Variants in HRH1 observed in about 807,000 individuals in gnomAD.
The protein encoded by HRH1 is histamine receptor H1.
Under a neutral mutation model 10.3 loss-of-function variants are expected in HRH1, and 6 were observed. The observed-to-expected ratio is 0.58, with a 90% CI of 0.32 to 1.15. The LOEUF (loss-of-function observed/expected upper bound fraction) is 1.15, where lower values mean the gene tolerates loss of function less well. HRH1 is among the 50% of genes most tolerant of loss of function. The pLI is 0.05. For missense variants in HRH1, 514 were observed against 615.3 expected, an observed-to-expected ratio of 0.84 and a Z score of 1.74; for synonymous variants, 242 against 236.7, an observed-to-expected ratio of 1.02 and a Z score of -0.21.
intron 1 of HRH1, among the ~76,000 whole-genome samples, chr3:11,198,903 TACACACACACACAC>T (rs59431924): frequency 1.9e-5 from 2 of 103,122 alleles, no homozygotes; most frequent in African/African-American, 7.2e-5. Context: ...TCTCTCTTTA[TACACACACACACAC>T]ACACACACAC....
chr3:11,154,365 G>T (rs951221296), upstream of HRH1, among the ~76,000 whole-genome samples: 1 of 151,448 alleles, frequency 6.6e-6, no homozygotes, highest in African/African-American at 2.4e-5. This position sits in a 1 kb window ranked among gnomAD's most constrained non-coding sequence, Gnocchi z 4.4. Context: ...GGGTGCGGGG[G>T]CGCTGCAGGC....
At chr3:11,240,670 G>C (rs149866331) in intron 1 of HRH1, among the ~76,000 whole-genome samples, 31 of 152,310 alleles carry the variant, frequency 2.0e-4, no homozygotes, top group Non-Finnish European at 4.1e-4. Flanking sequence ...TTCTAAGTCA[G>C]TTAGGTTCCT....
chr3:11,181,663 G>T (rs1485287915), intron 1 of HRH1, among the ~76,000 whole-genome samples: 2 of 123,624 alleles, frequency 1.6e-5, no homozygotes, highest in Non-Finnish European at 3.1e-5. Flanking sequence ...ACGGAGTCTC[G>T]CTCCGTCGCC....
At chr3:11,145,567 T>C (rs941904374) in intron 1 of HRH1, among the ~76,000 whole-genome samples, 4 of 152,192 alleles carry the variant, frequency 2.6e-5, no homozygotes, top group African/African-American at 9.7e-5. Context: ...TTTGCCTCTG[T>C]GTTTTTTTAA....
rs184230279 is a variant in HRH1, at chr3:11,224,643, C to T, written c.-35-34360C>T. Among the ~76,000 whole-genome samples the T allele has an allele frequency of 6.6e-5, 10 of 150,434 alleles. No homozygotes were observed. The East Asian group carries it at 7.8e-4, about 12-fold the overall frequency. ...TGAACCCAGGAGGCGGAGCTTGCAG[C>T]GAGCCGAGTATGCGCCACTGCACTC... On this transcript the variant is annotated intron_variant, in intron 1 of 1. Coordinates refer to ENST00000431010, the MANE Select transcript of HRH1 (RefSeq NM_001098212.2).
intron 1 of HRH1, among the ~76,000 whole-genome samples, chr3:11,227,042 A>G (rs866566187): frequency 3.9e-5 from 6 of 152,178 alleles, no homozygotes; most frequent in African/African-American, 1.2e-4. Flanking sequence ...GTGGTTTTAG[A>G]AAGATCATTT....
intron 1 of HRH1, among the ~76,000 whole-genome samples, chr3:11,242,956 C>T (rs1456386761): frequency 6.6e-6 from 1 of 151,946 alleles, no homozygotes; most frequent in South Asian, 2.1e-4. Context: ...GCTCTGTCAC[C>T]AGGCTGGAGT....
chr3:11,244,320 T>G (rs565075916), intron 1 of HRH1, among the ~76,000 whole-genome samples: 81 of 152,354 alleles, frequency 5.3e-4, no homozygotes, highest in Non-Finnish European at 3.5e-4. Flanking sequence ...AGTCACATGG[T>G]CACACCCAGC....
In HRH1 at chr3:11,243,185, A is replaced by T. The variant is rs185949996; in HGVS notation, c.-35-15818A>T. 2.4e-4 allele frequency among the ~76,000 whole-genome samples: 36 copies of T among 152,300 alleles called. 1 individual carries two copies. The highest frequency in any genetic ancestry group is 8.4e-4 in the African/African-American group (35 of 41,564). On this transcript the variant is annotated intron_variant, in intron 1 of 1. Coordinates refer to ENST00000431010, the MANE Select transcript of HRH1 (RefSeq NM_001098212.2). ...TGCTTTGGCCTCCCAAAGTGCTGGG[A>T]TTACAGGTGTGAGCCCCTGCGCCCG...
intron 1 of HRH1, among the ~76,000 whole-genome samples, chr3:11,235,295 A>T (rs904800446): frequency 6.6e-6 from 1 of 152,052 alleles, no homozygotes; most frequent in Non-Finnish European, 1.5e-5. Flanking sequence ...TGGAAATTTT[A>T]GGTATTATAA....
rs1936736322 is a variant in HRH1, at chr3:11,154,604, T to A, written c.-36+50T>A. The stretch of plus-strand genomic sequence containing the variant: ...TGGGCGGGAGCGGGGCCGCCGCGGC[T>A]GGGCGAGGCTGCGCGCTGGCCAGGC... On this transcript the variant is annotated intron_variant, in intron 1 of 1. Coordinates refer to ENST00000431010, the MANE Select transcript of HRH1 (RefSeq NM_001098212.2). The surrounding 1 kb of genome is among the most constrained non-coding windows in gnomAD (Gnocchi z 4.4). The A allele has an allele frequency of 6.6e-6, 1 of 151,480 alleles. No individual in the cohort carries two copies. Among genetic ancestry groups the A allele is most frequent in the Non-Finnish European group, 1.5e-5 (1 of 67,810 alleles). The allele number at this position is 151,480 out of a possible 1,614,324, so 9.4% of individuals were successfully genotyped here.
chr3:11,194,351 C>G (rs527383279), intron 1 of HRH1, among the ~76,000 whole-genome samples: 2 of 152,332 alleles, frequency 1.3e-5, no homozygotes, highest in East Asian at 3.9e-4. Flanking sequence ...AATTCCCACC[C>G]TGTCTGTTGT....
chr3:11,200,692 A>C (rs1401283320), intron 1 of HRH1, among the ~76,000 whole-genome samples: 1 of 152,240 alleles, frequency 6.6e-6, no homozygotes, highest in Admixed American at 6.5e-5. Flanking sequence ...AATACATGGA[A>C]GGGTGAGGAA....
chr3:11,157,461 C>T lies in HRH1; in HGVS notation c.-36+2907C>T, dbSNP rs80354469. 4.2e-4 allele frequency among the ~76,000 whole-genome samples: 64 copies of T among 152,326 alleles called. No individual in the cohort carries two copies. The East Asian group carries it at 0.012, about 28-fold the overall frequency. ...AAGCCCCAGTCACCTGCTGCCCTCC[C>T]TTTCACAGTGACGCTGAGCATTTCT... is the stretch of plus-strand genomic sequence containing the variant. On this transcript the variant is annotated intron_variant, in intron 1 of 1. Coordinates refer to ENST00000431010, the MANE Select transcript of HRH1 (RefSeq NM_001098212.2).
Position 11,147,228 on chromosome 3 carries a change from C to T in HRH1, c.-36+9829C>T, listed in dbSNP as rs868772969. On this transcript the variant is annotated intron_variant, in intron 1 of 1. Coordinates refer to the HRH1 transcript ENST00000438284. ...GATAAGGTCTGATTCTTCCTGGAAT[C>T]GGCAACCTCCTGACCCAGGGCCTGC... 2.0e-5 allele frequency among the ~76,000 whole-genome samples: 3 copies of T among 152,278 alleles called. 1 individual carries two copies. In the East Asian group the frequency reaches 5.8e-4, roughly 29 times the overall value.
At chr3:11,151,009 G>A (rs7641007), upstream of HRH1, among the ~76,000 whole-genome samples, 1 of 152,126 alleles carries the variant, frequency 6.6e-6, no homozygotes, top group African/African-American at 2.4e-5. Flanking sequence ...CACCTCGATT[G>A]TCTTTTAAGG....
At chr3:11,154,458 G>A (rs1478667165), upstream of HRH1, 1 of 126,222 alleles carries the variant, frequency 7.9e-6, no homozygotes, top group Non-Finnish European at 1.7e-5. The surrounding 1 kb of genome is among the most constrained non-coding windows in gnomAD (Gnocchi z 4.4). Context: ...CCCGCTCCCC[G>A]AGAGCTCCCC....
intron 1 of HRH1, among the ~76,000 whole-genome samples, chr3:11,227,526 T>C (rs1304290026): frequency 6.6e-6 from 1 of 152,090 alleles, no homozygotes; most frequent in African/African-American, 2.4e-5. Context: ...ACCTAGGTGA[T>C]CTGCCCACCT....
At chr3:11,253,558 T>C (rs1255333117) in intron 1 of HRH1, among the ~76,000 whole-genome samples, 2 of 152,228 alleles carry the variant, frequency 1.3e-5, no homozygotes, top group Non-Finnish European at 2.9e-5. Context: ...CGGTCCCTCA[T>C]CTTTTCCCTG....
Sources: allele counts gnomAD v4.1 joint callset (sites outside exome capture counted in the v4.1 genomes callset), GRCh38; gene constraint gnomAD v4.1.1; non-coding constraint Gnocchi (gnomAD v3.1); transcripts MANE v1.5; gene names NCBI Gene and HGNC (gene_info 2026-07-23, HGNC 2026-07-21).